NAA60: variants seen among roughly 807,000 people sequenced by gnomAD.
NAA60 encodes the protein N-alpha-acetyltransferase 60.
Under a neutral mutation model 26.1 loss-of-function variants are expected in NAA60, and 8 were observed. The ratio of observed to expected loss-of-function variants is 0.31; its 90% CI spans 0.18 to 0.55. NAA60 has a LOEUF of 0.55. Among genes scored for constraint, NAA60 ranks in the 20% least tolerant of loss-of-function variants. The pLI is 0.93. For synonymous variants in NAA60, 131 were observed against 122.5 expected (o/e 1.07, Z -0.46); for missense variants, 290 against 311.3 (o/e 0.93, Z 0.51).
Position 3,485,964 on chromosome 16 carries a change from C to CACAGT in NAA60, c.*706_*707insAGTAC. 2 of 297,762 alleles carry CACAGT rather than the reference C, an allele frequency of 6.7e-6. No homozygotes were observed. Among genetic ancestry groups the CACAGT allele is most frequent in the Non-Finnish European group, 1.3e-5 (2 of 150,316 alleles). 18.4% of individuals were successfully genotyped at this position (297,762 alleles called of 1,614,324 possible). On this transcript the variant is annotated 3_prime_UTR_variant, in exon 8 of 8. Coordinates refer to ENST00000407558, the MANE Select transcript of NAA60 (RefSeq NM_001083601.3). ...CAGTTACCAGTGCCCTGGGAGGTCACACTGCCCGTCGGACCTTGGCATGCT... is the reference window on the plus strand; with the variant it reads ...CAGTTACCAGTGCCCTGGGAGGTCACACAGTACTGCCCGTCGGACCTTGGCATGCT...
chr16:3,483,902 C>T, intron 6 of NAA60: 2 of 398,634 alleles, frequency 5.0e-6, no homozygotes, highest in South Asian at 5.9e-5. Flanking sequence ...GGAGAGCCTC[C>T]TGCTCCACTT....
chr16:3,457,383 G>A (rs1023288779), intron 2 of NAA60, among the ~76,000 whole-genome samples: 3 of 152,250 alleles, frequency 2.0e-5, no homozygotes, highest in Admixed American at 6.5e-5. Context: ...CGGAGGCCAG[G>A]AGTTGGAGGC....
chr16:3,477,598 C>G (rs1430829937), intron 3 of NAA60, among the ~76,000 whole-genome samples: 1 of 146,090 alleles, frequency 6.8e-6, no homozygotes, highest in Non-Finnish European at 1.5e-5. Flanking sequence ...GTCAGGAGTT[C>G]GAGACCAGCC....
At chr16:3,450,740 AG>A (rs1367501985) in intron 2 of NAA60, among the ~76,000 whole-genome samples, 1 of 150,418 alleles carries the variant, frequency 6.6e-6, no homozygotes, top group South Asian at 2.1e-4. Context: ...TTGTGATCCA[AG>A]GGAAAGCATA....
chr16:3,467,168 C>T (rs1442593138), intron 2 of NAA60, among the ~76,000 whole-genome samples: 1 of 152,126 alleles, frequency 6.6e-6, no homozygotes, highest in African/African-American at 2.4e-5. Context: ...GCAGCCTTCC[C>T]AGCGATCCTG....
rs575845505 is a variant in NAA60, at chr16:3,444,410, T to C, written c.-77+573T>C. 3.3e-5 allele frequency among the ~76,000 whole-genome samples: 5 copies of C among 151,918 alleles called. No homozygotes were observed. The South Asian group carries it at 6.2e-4, about 19-fold the overall frequency. ...GGTAATTTCAAAGATTATAAGATAA[T>C]GTAAGTGAAAGAAATTGCCAGTTTA... On this transcript the variant is annotated intron_variant, in intron 1 of 7. Coordinates refer to ENST00000407558, the MANE Select transcript of NAA60 (RefSeq NM_001083601.3).
At chr16:3,477,893 G>A (rs1418570294) in intron 3 of NAA60, among the ~76,000 whole-genome samples, 8 of 152,054 alleles carry the variant, frequency 5.3e-5, no homozygotes, top group East Asian at 1.9e-4. Flanking sequence ...GTGAAACCCC[G>A]TCTCTACTAA....
At chr16:3,475,431 C>A (rs250629) in intron 2 of NAA60, among the ~76,000 whole-genome samples, 56,329 of 151,632 alleles carry the variant, frequency 0.37, 11,107 homozygotes, top group African/African-American at 0.51. Flanking sequence ...CTTAAAGAAC[C>A]AAGGCTTCTG....
rs565196620 is a variant in NAA60 at position 3,452,627 on chromosome 16, C to T, written c.-7+4087C>T. Among the ~76,000 whole-genome samples, 26 of 149,232 alleles carry T rather than the reference C, an allele frequency of 1.7e-4. No individual in the cohort carries two copies. The East Asian group carries it at 2.4e-3, about 14-fold the overall frequency. ...GCCAAAGATTGTGTCACACTCCAGCCGGAGGGGCAGAGCAAGACCCCGTCT... is the reference window on the plus strand; with the variant it reads ...GCCAAAGATTGTGTCACACTCCAGCTGGAGGGGCAGAGCAAGACCCCGTCT... On this transcript the variant is annotated intron_variant, in intron 2 of 7. Coordinates refer to ENST00000407558, the MANE Select transcript of NAA60 (RefSeq NM_001083601.3).
Position 3,470,411 on chromosome 16 carries a change from C to G in NAA60, c.-6-5811C>G, listed in dbSNP as rs370466946. On this transcript the variant is annotated intron_variant, in intron 2 of 7. Transcript: ENST00000407558. ...CAGCGGCTGGGTGACAGCAGTAATT[C>G]TCGCAGATGTTCAGGCCCTGGGACC... Among the ~76,000 whole-genome samples the G allele has an allele frequency of 7.9e-5, 12 of 152,334 alleles. No homozygotes were observed. The East Asian group carries it at 2.3e-3, about 29-fold the overall frequency.
chr16:3,470,873 T>C (rs925465905), intron 2 of NAA60, among the ~76,000 whole-genome samples: 1 of 152,252 alleles, frequency 6.6e-6, no homozygotes, highest in Non-Finnish European at 1.5e-5. Flanking sequence ...TTCGTGCACC[T>C]TCCTGCCTCT....
intron 2 of NAA60, among the ~76,000 whole-genome samples, chr16:3,450,632 G>A (rs990842824): frequency 1.3e-4 from 20 of 151,074 alleles, no homozygotes; most frequent in Non-Finnish European, 1.0e-4. Flanking sequence ...CCCGGGAGGC[G>A]GAGTTTGCAG....
At chr16:3,458,310 C>G (rs2035125053) in intron 2 of NAA60, 1 of 558,940 alleles carries the variant, frequency 1.8e-6, no homozygotes, top group South Asian at 7.8e-5. Context: ...GCTGGTGAGG[C>G]AGGCCCGGCC....
chr16:3,459,879 A>T (rs914486309), intron 2 of NAA60, among the ~76,000 whole-genome samples: 6 of 152,178 alleles, frequency 3.9e-5, no homozygotes, highest in African/African-American at 1.4e-4. Context: ...GATGTGACTT[A>T]TCTGGGTTGC....
intron 2 of NAA60, 54 bp from the exon 3 acceptor site, chr16:3,476,168 G>A (rs2151003845): frequency 7.2e-7 from 1 of 1,387,604 alleles, no homozygotes; most frequent in African/African-American, 1.4e-5. Flanking sequence ...CACAAGCTGA[G>A]CATGAGGAAG....
chr16:3,446,490 C>A (rs2034559676), intron 1 of NAA60, among the ~76,000 whole-genome samples: 1 of 148,296 alleles, frequency 6.7e-6, no homozygotes, highest in South Asian at 2.2e-4. Flanking sequence ...GAGATCACAC[C>A]ACTGCACTCC....
rs2036498363 is a variant in NAA60, at chr16:3,476,585, C to T, written c.110+248C>T. On this transcript the variant is annotated intron_variant, in intron 3 of 7. Coordinates refer to ENST00000407558, the MANE Select transcript of NAA60 (RefSeq NM_001083601.3). ...TGAGAAATTTCAGTTACAGAGCTAT[C>T]GGGTGTGGTGCTATTTATAATTCAG... Among the ~76,000 whole-genome samples the T allele has an allele frequency of 3.9e-5, 6 of 152,220 alleles. No homozygotes were observed. In the South Asian group the frequency reaches 1.0e-3, roughly 26 times the overall value.
chr16:3,449,932 C>T (rs1386628358), intron 2 of NAA60: 6 of 396,096 alleles, frequency 1.5e-5, no homozygotes, highest in South Asian at 1.4e-4. Flanking sequence ...TCCCCAGCCA[C>T]GTGGAACTGT....
chr16:3,456,442 C>T (rs2034999027), intron 2 of NAA60, among the ~76,000 whole-genome samples: 1 of 147,616 alleles, frequency 6.8e-6, no homozygotes, highest in African/African-American at 2.5e-5. Context: ...GAGCAATTTC[C>T]TTTTTTTTTT....
Sources: allele counts gnomAD v4.1 joint callset (sites outside exome capture counted in the v4.1 genomes callset), GRCh38; gene constraint gnomAD v4.1.1; transcripts MANE v1.5; gene names NCBI Gene and HGNC (gene_info 2026-07-23, HGNC 2026-07-21).